Variants in HGSNAT observed in about 807,000 individuals in gnomAD.
The protein encoded by HGSNAT is transmembrane protein 76.
In HGSNAT, 59 loss-of-function variants were observed where a neutral mutation model predicts 85.2. The ratio of observed to expected loss-of-function variants is 0.69; its 90% confidence interval spans 0.56 to 0.86. The LOEUF is 0.86. Ranked by LOEUF, HGSNAT falls within the 40% of genes least tolerant of loss-of-function variation. The pLI is 0.00. For missense variants in HGSNAT, 756 were observed against 777.1 expected (o/e 0.97, Z 0.32); for synonymous variants, 321 against 304.5 (o/e 1.05, Z -0.56).
intron 10 of HGSNAT, 91 bp from the exon 11 acceptor site, chr8:43,182,046 AATATAGGT>A: frequency 1.2e-6 from 1 of 868,950 alleles, no homozygotes; most frequent in East Asian, 2.4e-5. Context: ...ACTTAGATGC[AATATAGGT>A]ATGTCTTCCC....
At position 43,202,447 on chromosome 8, in the gene HGSNAT, T is replaced by C. The variant is rs1275268942; in HGVS notation, c.*2878T>C. ...GAAGGGAAGAGGGAGTGTGTTGGGG[T>C]AAGGGGTAGAGCAGAGGAATGGTCA... On this transcript the variant is annotated 3_prime_UTR_variant, in exon 18 of 18. Transcript: ENST00000379644. The C allele has an allele frequency of 2.0e-5, 3 of 151,320 alleles. No individual in the cohort carries two copies. The highest frequency in any genetic ancestry group is 7.3e-5 in the African/African-American group (3 of 41,086). The allele number at this position is 151,320 out of a possible 1,614,324, so 9.4% of individuals were successfully genotyped here. A position where few individuals can be genotyped will look rare whatever the true frequency, so the allele number is the denominator to read the frequency against.
chr8:43,163,173 C>T (rs761075773), intron 5 of HGSNAT, among the ~76,000 whole-genome samples: 19 of 151,862 alleles, frequency 1.3e-4, no homozygotes, highest in East Asian at 1.9e-4. Context: ...GCATTCCGGC[C>T]GGGGACTCTC....
In HGSNAT at chr8:43,202,285, CCT is replaced by C. The variant is rs1280353246; in HGVS notation, c.*2720_*2721del. The stretch of plus-strand genomic sequence containing the variant: ...TTCAACAGGAAATGCTTCCCAGAAG[CCT>C]CTCAGCAGCCTCCCCTCCTGTCCTA... On this transcript the variant is annotated 3_prime_UTR_variant, in exon 18 of 18. Transcript: ENST00000379644. 2.0e-5 allele frequency: 3 copies of C among 152,622 alleles called. No individual in the cohort carries two copies. The East Asian group carries it at 5.8e-4, about 29-fold the overall frequency. 9.5% of individuals were successfully genotyped at this position (152,622 alleles called of 1,614,324 possible). A position where few individuals can be genotyped will look rare whatever the true frequency, so the allele number is the denominator to read the frequency against.
At chr8:43,180,073 A>G (rs1289476201) in intron 10 of HGSNAT, among the ~76,000 whole-genome samples, 1 of 16,216 alleles carries the variant, frequency 6.2e-5, no homozygotes, top group Admixed American at 8.0e-4. Context: ...TGACCCCCCC[A>G]CCTCCCTCCC....
chr8:43,182,385 G>A, intron 11 of HGSNAT, 125 bp downstream of exon 11: 1 of 827,668 alleles, frequency 1.2e-6, no homozygotes, highest in Non-Finnish European at 2.1e-6. Context: ...TGATCCTCCT[G>A]CCTTGGCCAC....
chr8:43,195,302 A>T (rs558387802), intron 14 of HGSNAT, among the ~76,000 whole-genome samples: 1 of 152,284 alleles, frequency 6.6e-6, no homozygotes, highest in African/African-American at 2.4e-5. Flanking sequence ...TCAACAGTTG[A>T]TTCACACATA....
intron 1 of HGSNAT, among the ~76,000 whole-genome samples, chr8:43,144,927 C>G (rs1381161212): frequency 2.6e-5 from 4 of 152,158 alleles, no homozygotes; most frequent in African/African-American, 7.2e-5. Flanking sequence ...ATAAGGCACT[C>G]AGGAACACAA....
chr8:43,179,337 C>G (rs922378107), intron 10 of HGSNAT, among the ~76,000 whole-genome samples: 20 of 146,914 alleles, frequency 1.4e-4, no homozygotes, highest in African/African-American at 4.6e-4. Context: ...CCCCTCACCT[C>G]CTGGATAGGG....
intron 1 of HGSNAT, among the ~76,000 whole-genome samples, chr8:43,140,873 G>T (rs1248848364): frequency 1.3e-5 from 2 of 152,258 alleles, no homozygotes; most frequent in South Asian, 2.1e-4. Flanking sequence ...GCGCCCAGGC[G>T]GCGCCCACCC....
rs575790649 is a variant in HGSNAT, at chr8:43,200,523, A to G, written c.*954A>G. ...ATAGTTCCATTACAGAAAACTCTTC[A>G]AAATAAATAGTAGTGAAAACTTTTA... On this transcript the variant is annotated 3_prime_UTR_variant, in exon 18 of 18. Coordinates refer to ENST00000379644, the MANE Select transcript of HGSNAT (RefSeq NM_152419.3). 6.6e-6 allele frequency: 1 copy of G among 152,396 alleles called. No homozygotes were observed. The highest frequency in any genetic ancestry group is 2.4e-5 in the African/African-American group (1 of 41,598). The allele number at this position is 152,396 out of a possible 1,614,324, so 9.4% of individuals were successfully genotyped here. A position where few individuals can be genotyped will look rare whatever the true frequency, so the allele number is the denominator to read the frequency against.
At chr8:43,193,577 C>T (rs1043438979) in intron 13 of HGSNAT, among the ~76,000 whole-genome samples, 180 bp from the exon 14 acceptor site, 3 of 152,188 alleles carry the variant, frequency 2.0e-5, no homozygotes, top group Non-Finnish European at 4.4e-5. Flanking sequence ...CCACACTGCA[C>T]ACTTTCTTAG....
chr8:43,140,598 G>C lies in HGSNAT; in HGVS notation c.102G>C (p.Gln34His). 1.1e-5 allele frequency: 13 copies of C among 1,237,752 alleles called. No individual in the cohort carries two copies. The highest frequency in any genetic ancestry group is 1.3e-5 in the Non-Finnish European group (13 of 982,380). 76.7% of individuals were successfully genotyped at this position (1,237,752 alleles called of 1,614,324 possible). Residue 34 changes from glutamine (Q) to histidine (H), a missense_variant, in exon 1 of 18, where the codon CAG (glutamine) becomes CAC (histidine). Transcript: ENST00000379644. ...GCGGCTCTTCGGGGCGCGATGCCCA[G>C]GCCGCGCCGCCACGAGGTGAGTGCA... ...APGGSSGRDA[Q>H]AAPPRDLDKK...
At position 43,196,951 on chromosome 8, in the gene HGSNAT, G is replaced by A; in HGVS notation, c.1468G>A (p.Gly490Arg). 1 of 1,600,366 alleles carries A rather than the reference G, an allele frequency of 6.2e-7. No individual in the cohort carries two copies. The highest frequency in any genetic ancestry group is 8.6e-7 in the Non-Finnish European group (1 of 1,167,708). The change falls in exon 15 of 18, where the codon GGA becomes AGA. Residue 490 changes from glycine to arginine, a missense_variant. Physicochemically the swap from Gly to Arg is moderately radical, Grantham distance 125. Transcript: ENST00000379644. ...CACACTGTGTTATCTCCTCCAGGCA[G>A]GAAAAATACTATTGTATTACAAGGC... ...IVMAFLGVQA[G>R]KILLYYKART...
At chr8:43,177,293 G>C (rs1803842280) in intron 9 of HGSNAT, among the ~76,000 whole-genome samples, 1 of 151,784 alleles carries the variant, frequency 6.6e-6, no homozygotes, top group South Asian at 2.1e-4. Context: ...GCTCATGCCT[G>C]TAATCCCAGC....
intron 17 of HGSNAT, among the ~76,000 whole-genome samples, chr8:43,198,423 G>T (rs1312172285): frequency 6.6e-6 from 1 of 151,772 alleles, no homozygotes; most frequent in Non-Finnish European, 1.5e-5. Context: ...GAGTAGCTGG[G>T]ACTACAGGCG....
intron 2 of HGSNAT, among the ~76,000 whole-genome samples, chr8:43,148,333 TAATTTATATTA>T (rs955332907): frequency 1.9e-4 from 29 of 151,254 alleles, no homozygotes; most frequent in Middle Eastern, 3.4e-3. Flanking sequence ...TATTTATATT[TAATTTATATTA>T]AATTTATATT....
At chr8:43,181,868 G>C (rs1410890786) in intron 10 of HGSNAT, 1 of 455,710 alleles carries the variant, frequency 2.2e-6, no homozygotes, top group African/African-American at 2.0e-5. Context: ...AAGACGCTTT[G>C]GTTCTTATCC....
intron 14 of HGSNAT, among the ~76,000 whole-genome samples, chr8:43,195,637 A>AGG: frequency 1.5e-5 from 2 of 136,512 alleles, no homozygotes; most frequent in Non-Finnish European, 3.2e-5. Context: ...GGGGTGGAGG[A>AGG]AGAGGAGGAG....
chr8:43,169,242 T>C lies in HGSNAT; in HGVS notation c.633T>C (p.Ser211=), dbSNP rs1460112452. 1 of 1,572,242 alleles carries C rather than the reference T, an allele frequency of 6.4e-7. No homozygotes were observed. ...SSRETDRLIN[S]ELGSPSRTDP... is the part of the protein sequence containing the mutation. ...GAGAAACTGATCGCCTCATCAATTCTGTAAGTTATGAGATGCATAGTGTAT... is the reference window on the plus strand; with the variant it reads ...GAGAAACTGATCGCCTCATCAATTCCGTAAGTTATGAGATGCATAGTGTAT... Residue 211 remains serine, a splice_region_variant and synonymous_variant, in exon 6 of 18, where the codon TCT becomes TCC. Transcript: ENST00000379644.
Sources: gnomAD v4.1 joint callset for allele counts (sites outside exome capture counted in the v4.1 genomes callset) on GRCh38, gnomAD v4.1.1 for gene constraint, MANE v1.5 for transcripts, NCBI Gene and HGNC (gene_info 2026-07-23, HGNC 2026-07-21) for gene names.